SNX6: variants seen among roughly 807,000 people sequenced by gnomAD.
The protein encoded by SNX6 is sorting nexin 6.
In SNX6, 34 loss-of-function variants were observed where a neutral mutation model predicts 63.0. That is an observed-to-expected ratio of 0.54 (90% CI 0.41 to 0.72). SNX6 has a LOEUF of 0.72. Ranked by LOEUF, SNX6 falls within the 30% of genes least tolerant of loss-of-function variation. The probability of loss-of-function intolerance (pLI) is 0.00; values close to 1 mark genes in which losing one functional copy is unlikely to be tolerated. For synonymous variants in SNX6, 170 were observed against 164.2 expected (o/e 1.04, Z -0.27); for missense variants, 398 against 471.4 (o/e 0.84, Z 1.44).
chr14:34,583,643 G>A (rs531817034), intron 9 of SNX6, among the ~76,000 whole-genome samples: 2 of 151,994 alleles, frequency 1.3e-5, no homozygotes. Flanking sequence ...ACAAAAAAGG[G>A]CACAGGTTCA....
intron 10 of SNX6, 77 bp from the exon 11 acceptor site, chr14:34,575,919 G>GT: frequency 2.3e-6 from 2 of 862,718 alleles, no homozygotes; most frequent in South Asian, 1.6e-5. Context: ...TTTTGTTGTT[G>GT]TTGTTTTTTT....
At chr14:34,578,937 C>CAAAAAAAAA (rs71121210) in intron 10 of SNX6, among the ~76,000 whole-genome samples, 1,008 of 22,580 alleles carry the variant, frequency 0.045, 216 homozygotes, top group Non-Finnish European at 0.074. Context: ...GACTTCATCT[C>CAAAAAAAAA]AAAAAAAAAA....
chr14:34,617,079 C>A (rs1331194288), intron 2 of SNX6, among the ~76,000 whole-genome samples: 1 of 151,890 alleles, frequency 6.6e-6, no homozygotes, highest in African/African-American at 2.4e-5. Context: ...AAGACTGTCT[C>A]GGGTTAAAAA....
At chr14:34,620,662 C>T (rs931985159) in intron 2 of SNX6, among the ~76,000 whole-genome samples, 4 of 150,832 alleles carry the variant, frequency 2.7e-5, no homozygotes, top group South Asian at 2.1e-4. Context: ...GACATGGGGC[C>T]GGGCATGGTG....
At chr14:34,592,033 G>A (rs909112153) in intron 8 of SNX6, among the ~76,000 whole-genome samples, 1 of 152,180 alleles carries the variant, frequency 6.6e-6, no homozygotes, top group South Asian at 2.1e-4. Context: ...CAAGGGTAGA[G>A]ATTACAATCA....
chr14:34,581,706 G>T, intron 9 of SNX6, 106 bp from the exon 10 acceptor site: 2 of 615,972 alleles, frequency 3.2e-6, no homozygotes, highest in East Asian at 2.6e-5. Flanking sequence ...TTGTCTCATT[G>T]CAGTTATATT....
At chr14:34,620,716 G>C (rs1883589430) in intron 2 of SNX6, among the ~76,000 whole-genome samples, 1 of 151,848 alleles carries the variant, frequency 6.6e-6, no homozygotes, top group African/African-American at 2.4e-5. Context: ...TGAGGCAGGA[G>C]GATCACTTGA....
At chr14:34,629,580 A>C in intron 2 of SNX6, 1 of 609,992 alleles carries the variant, frequency 1.6e-6, no homozygotes, top group Non-Finnish European at 3.1e-6. Flanking sequence ...CAAAGTGTCG[A>C]GGGAGGGTGG....
At chr14:34,568,143 A>ATTT in intron 11 of SNX6, 130 bp from the exon 12 acceptor site, 1 of 620,358 alleles carries the variant, frequency 1.6e-6, no homozygotes, top group Non-Finnish European at 2.5e-6. Flanking sequence ...CAGTTACTCC[A>ATTT]ATTTTTTTTT....
intron 8 of SNX6, among the ~76,000 whole-genome samples, chr14:34,592,236 A>G (rs187408242): frequency 6.6e-6 from 1 of 152,152 alleles, no homozygotes; most frequent in Non-Finnish European, 1.5e-5. Context: ...AAATACAAAA[A>G]TTAGCCAGGC....
At chr14:34,609,365 C>T (rs1594741012) in intron 3 of SNX6, among the ~76,000 whole-genome samples, 3 of 150,918 alleles carry the variant, frequency 2.0e-5, no homozygotes, top group African/African-American at 7.3e-5. Context: ...CCTGTAGTCC[C>T]AGCTACTCTG....
At chr14:34,573,430 C>T (rs1881539811) in intron 11 of SNX6, among the ~76,000 whole-genome samples, 1 of 151,942 alleles carries the variant, frequency 6.6e-6, no homozygotes. Flanking sequence ...CAAAAATTAT[C>T]CAGGCATGGT....
intron 5 of SNX6, 76 bp downstream of exon 5, chr14:34,605,520 G>A (rs1882981684): frequency 8.0e-7 from 1 of 1,247,372 alleles, no homozygotes; most frequent in Non-Finnish European, 1.1e-6. Context: ...CACCAAAAAA[G>A]GCATTAAAGC....
chr14:34,597,780 C>T, intron 6 of SNX6, 135 bp from the exon 7 acceptor site: 1 of 583,722 alleles, frequency 1.7e-6, no homozygotes. Context: ...TCATCATGCA[C>T]ATCAATGATT....
chr14:34,570,123 C>T (rs185717741), intron 11 of SNX6, among the ~76,000 whole-genome samples: 3 of 151,738 alleles, frequency 2.0e-5, no homozygotes, highest in Admixed American at 1.3e-4. Context: ...GGCTGGAGTG[C>T]AATGGCGCGA....
intron 8 of SNX6, among the ~76,000 whole-genome samples, chr14:34,587,709 G>A (rs1882232506): frequency 6.6e-6 from 1 of 151,724 alleles, no homozygotes. Context: ...ACGGCTCACT[G>A]CAGTCTCAAG....
Position 34,562,948 on chromosome 14 carries a change from C to A in SNX6, c.*174G>T. The stretch of plus-strand genomic sequence containing the variant: ...ACAGTGCGGCATCACGGCACACAGA[C>A]TGGCATCGCCTGGGCGTGCGCTGCT... On this transcript the variant is annotated 3_prime_UTR_variant, in exon 14 of 14. Transcript: ENST00000362031. 1.6e-6 allele frequency: 1 copy of A among 634,452 alleles called. No individual in the cohort carries two copies. The allele number at this position is 634,452 out of a possible 1,614,324, so 39.3% of individuals were successfully genotyped here. A position where few individuals can be genotyped will look rare whatever the true frequency, so the allele number is the denominator to read the frequency against.
At chr14:34,588,165 G>A (rs1379123561) in intron 8 of SNX6, among the ~76,000 whole-genome samples, 5 of 151,658 alleles carry the variant, frequency 3.3e-5, no homozygotes, top group African/African-American at 9.7e-5. Flanking sequence ...CCGCCACCAC[G>A]CCCAGCTAAT....
At chr14:34,585,895 T>C (rs909155498) in intron 9 of SNX6, among the ~76,000 whole-genome samples, 8 of 150,480 alleles carry the variant, frequency 5.3e-5, no homozygotes, top group Admixed American at 2.0e-4. Context: ...CCCAGCTATA[T>C]TTCATGTTTT....
Sources: gnomAD v4.1 joint callset for allele counts (sites outside exome capture counted in the v4.1 genomes callset) on GRCh38, gnomAD v4.1.1 for gene constraint, MANE v1.5 for transcripts, NCBI Gene and HGNC (gene_info 2026-07-23, HGNC 2026-07-21) for gene names.